FAM50B: variants seen among roughly 807,000 people sequenced by gnomAD.
The protein encoded by FAM50B is protein FAM50B.
Under a neutral mutation model 25.4 loss-of-function variants are expected in FAM50B, and 9 were observed. That is an observed-to-expected ratio of 0.35 (90% CI 0.21 to 0.62). The LOEUF (loss-of-function observed/expected upper bound fraction) is 0.62, where lower values mean the gene tolerates loss of function less well. Ranked by LOEUF, FAM50B falls within the 20% of genes least tolerant of loss-of-function variation. The probability of loss-of-function intolerance (pLI) is 0.73; values close to 1 mark genes in which losing one functional copy is unlikely to be tolerated. For synonymous variants in FAM50B, 212 were observed against 204.3 expected, an observed-to-expected ratio of 1.04 and a Z score of -0.32; for missense variants, 372 against 477.9, an observed-to-expected ratio of 0.78 and a Z score of 2.07.
chr6:3,849,037 G>C (rs546680511), upstream of FAM50B, among the ~76,000 whole-genome samples: 1 of 152,226 alleles, frequency 6.6e-6, no homozygotes, highest in Non-Finnish European at 1.5e-5. Context: ...ACAGCAGCTT[G>C]CGCTGCGCCC....
chr6:3,844,845 A>G (rs1264047929), upstream of FAM50B, among the ~76,000 whole-genome samples: 2 of 152,246 alleles, frequency 1.3e-5, no homozygotes, highest in African/African-American at 4.8e-5. Context: ...TGCAAACATT[A>G]ATAGTTATGT....
chr6:3,840,584 G>A, the FAM50B span, among the ~76,000 whole-genome samples: 3 of 152,140 alleles, frequency 2.0e-5, no homozygotes, highest in Non-Finnish European at 4.4e-5. Context: ...TCCAACGAAC[G>A]GAGCCGAGCA....
At chr6:3,846,059 G>C (rs1762117449), upstream of FAM50B, among the ~76,000 whole-genome samples, 1 of 152,108 alleles carries the variant, frequency 6.6e-6, no homozygotes, top group Non-Finnish European at 1.5e-5. Flanking sequence ...TGAAAAAGCT[G>C]GGTGAATGCT....
chr6:3,838,500 A>G, the FAM50B span, among the ~76,000 whole-genome samples: 2 of 152,062 alleles, frequency 1.3e-5, no homozygotes, highest in African/African-American at 4.8e-5. Context: ...ACCTGAGGTC[A>G]GGAGTTTCAG....
upstream of FAM50B, among the ~76,000 whole-genome samples, chr6:3,846,090 G>T (rs1762117879): frequency 6.6e-6 from 1 of 152,120 alleles, no homozygotes; most frequent in South Asian, 2.1e-4. Flanking sequence ...ACCTATTAGA[G>T]ACCTTAGAGG....
At chr6:3,847,879 T>G (rs1032853091), upstream of FAM50B, among the ~76,000 whole-genome samples, 27 of 152,240 alleles carry the variant, frequency 1.8e-4, no homozygotes, top group African/African-American at 6.5e-4. Context: ...AATATTGCTG[T>G]GTCTCAGGCA....
In FAM50B at chr6:3,850,320, G is replaced by A; in HGVS notation, c.509G>A (p.Arg170His). 6.2e-7 allele frequency: 1 copy of A among 1,613,326 alleles called. No individual in the cohort carries two copies. Among genetic ancestry groups the A allele is most frequent in the South Asian group, 1.1e-5 (1 of 91,086 alleles). ...EEENRLREEL[R>H]QEWEAQREKV... ...GAGAACCGGCTCCGAGAGGAGCTGC[G>A]CCAAGAGTGGGAGGCGCAGCGCGAG... The change falls in exon 2 of 2, where the codon CGC becomes CAC. Residue 170 changes from arginine (R) to histidine (H), a missense_variant. By Grantham distance (29) the Arg-to-His change is conservative (BLOSUM62 0). Transcript: ENST00000648326.
chr6:3,849,769 GT>G lies in FAM50B; in HGVS notation c.-23-15del. On this transcript the variant is annotated intron_variant, in intron 1 of 1. Transcript: ENST00000648326. ...GCGTGGGCCCCCCTCTACCTGCCGC[GT>G]TTTTCCTCTTTGCTGCAGAGCCCAT... The G allele has an allele frequency of 6.4e-7, 1 of 1,555,038 alleles. No homozygotes were observed. The highest frequency in any genetic ancestry group is 8.7e-7 in the Non-Finnish European group (1 of 1,150,672).
chr6:3,841,107 C>T, the FAM50B span, among the ~76,000 whole-genome samples: 597 of 152,312 alleles, frequency 3.9e-3, 4 homozygotes, highest in African/African-American at 0.014. Context: ...AAGATGGAGA[C>T]GGTGGGCCGT....
Sources: gnomAD v4.1 joint callset for allele counts (sites outside exome capture counted in the v4.1 genomes callset) on GRCh38, gnomAD v4.1.1 for gene constraint, MANE v1.5 for transcripts, NCBI Gene and HGNC (gene_info 2026-07-23, HGNC 2026-07-21) for gene names.